MAGEA11: variants seen among roughly 807,000 people sequenced by gnomAD.
The protein encoded by MAGEA11 is MAGE family member A11.
In MAGEA11, 1 loss-of-function variant was observed where a neutral mutation model predicts 8.4. The ratio of observed to expected loss-of-function variants is 0.12; its 90% CI spans 0.04 to 0.57. The LOEUF is 0.57. Among genes scored for constraint, MAGEA11 ranks in the 20% least tolerant of loss-of-function variants. The pLI, the probability that MAGEA11 is intolerant of heterozygous loss-of-function variation, is 0.91. For synonymous variants in MAGEA11, 127 were observed against 119.3 expected (o/e 1.06, Z -0.42); for missense variants, 209 against 317.3 (o/e 0.66, Z 2.59).
chrX:149,715,833 G>C lies in MAGEA11; in HGVS notation c.347G>C (p.Arg116Thr). ...LTRVIMPLEQRSQHCKPEEGL... is the reference protein window; with the variant it reads ...LTRVIMPLEQTSQHCKPEEGL... ...AGAGTCATCATGCCTCTTGAGCAAA[G>C]AAGTCAGCACTGCAAGCCTGAGGAA... The change falls in exon 5 of 5, where the codon AGA becomes ACA. Residue 116 changes from arginine (R) to threonine (T), a missense_variant. Arg to Thr is a moderately conservative substitution (Grantham distance 71). This residue lies in a region of MAGEA11 where 131 missense variants were observed against 138.5 expected (regional missense o/e 0.95). Coordinates refer to ENST00000355220, the MANE Select transcript of MAGEA11 (RefSeq NM_005366.5). The C allele has an allele frequency of 8.3e-7, 1 of 1,210,554 alleles. No individual in the cohort carries two copies. The highest frequency in any genetic ancestry group is 1.1e-6 in the Non-Finnish European group (1 of 895,035).
intron 1 of MAGEA11, among the ~76,000 whole-genome samples, chrX:149,705,654 G>A (rs1164797495): frequency 8.9e-6 from 1 of 112,093 alleles, no homozygotes; most frequent in Non-Finnish European, 1.9e-5. Flanking sequence ...TAGGAGAGCA[G>A]GACCATGGCT....
rs1380207207 is a variant in MAGEA11, at chrX:149,699,717, T to C, written c.9+10733T>C. Among the ~76,000 whole-genome samples, 20 of 111,595 alleles carry C rather than the reference T, an allele frequency of 1.8e-4. No individual in the cohort carries two copies. The Admixed American group carries it at 1.9e-3, about 11-fold the overall frequency. On this transcript the variant is annotated intron_variant, in intron 1 of 3. Transcript: ENST00000333104. Reference sequence around the variant, plus strand: ...AGCCATTGTTCATCTTTTGGAGTAGTTTTTTTATTATTATTTTTGATGTAG... The same window carrying C: ...AGCCATTGTTCATCTTTTGGAGTAGCTTTTTTATTATTATTTTTGATGTAG...
intron 1 of MAGEA11, among the ~76,000 whole-genome samples, chrX:149,700,904 T>C (rs1165298559): frequency 3.8e-5 from 4 of 106,131 alleles, no homozygotes; most frequent in African/African-American, 1.0e-4. Flanking sequence ...CTCATCATTT[T>C]TTATGGCTGC....
intron 1 of MAGEA11, among the ~76,000 whole-genome samples, chrX:149,706,263 G>A (rs1557361460): frequency 8.9e-6 from 1 of 111,765 alleles, no homozygotes; most frequent in Non-Finnish European, 1.9e-5. Flanking sequence ...GGGACCTGGA[G>A]GAGTATACTA....
chrX:149,715,747 C>A lies in MAGEA11; in HGVS notation c.267-6C>A. 1 of 1,202,136 alleles carries A rather than the reference C, an allele frequency of 8.3e-7. No homozygotes were observed. The highest frequency in any genetic ancestry group is 1.1e-6 in the Non-Finnish European group (1 of 890,617). On this transcript the variant is annotated splice_polypyrimidine_tract_variant and splice_region_variant and intron_variant, in intron 4 of 4. Transcript: ENST00000355220. The stretch of plus-strand genomic sequence containing the variant: ...GAGTCTGTTCTCACGCTCCCTCTCT[C>A]CCCAGGCTGTGGGGCCCCATCACCC...
chrX:149,704,303 A>T (rs1309050685), intron 1 of MAGEA11, among the ~76,000 whole-genome samples: 2 of 112,091 alleles, frequency 1.8e-5, no homozygotes, highest in Admixed American at 9.4e-5. Flanking sequence ...CAGAACCGCG[A>T]CCCCTGCAAT....
At chrX:149,711,588 A>G (rs1439228184), upstream of MAGEA11, among the ~76,000 whole-genome samples, 1 of 111,727 alleles carries the variant, frequency 9.0e-6, no homozygotes, top group Non-Finnish European at 1.9e-5. Context: ...TCTCCCACCC[A>G]TCACTTCATG....
upstream of MAGEA11, among the ~76,000 whole-genome samples, chrX:149,708,640 G>A (rs191732717): frequency 9.0e-6 from 1 of 110,943 alleles, no homozygotes; most frequent in African/African-American, 3.3e-5. Flanking sequence ...GAGAGTAGGA[G>A]GTAGGGGTCT....
chrX:149,708,477 A>T (rs369746252), upstream of MAGEA11, among the ~76,000 whole-genome samples: 178 of 112,489 alleles, frequency 1.6e-3, no homozygotes, highest in African/African-American at 5.6e-3. Flanking sequence ...AAATTCTATG[A>T]AGAAAAAGAA....
At chrX:149,705,625 G>A (rs184283813) in intron 1 of MAGEA11, among the ~76,000 whole-genome samples, 1 of 112,455 alleles carries the variant, frequency 8.9e-6, no homozygotes, top group Non-Finnish European at 1.9e-5. Flanking sequence ...GTCATAGCTG[G>A]TGGAACAGAG....
chrX:149,710,459 G>C (rs926902509), upstream of MAGEA11, among the ~76,000 whole-genome samples: 1 of 110,824 alleles, frequency 9.0e-6, no homozygotes, highest in Non-Finnish European at 1.9e-5. Context: ...GTTTGGTTTT[G>C]TTTTTTTGAG....
At chrX:149,711,239 AGTTAG>A (rs1458315844), upstream of MAGEA11, among the ~76,000 whole-genome samples, 4 of 112,704 alleles carry the variant, frequency 3.5e-5, no homozygotes, top group African/African-American at 1.3e-4. Context: ...TGAAATAGGC[AGTTAG>A]GTTAAGTATG....
intron 1 of MAGEA11, among the ~76,000 whole-genome samples, chrX:149,712,740 G>A (rs1467044671): frequency 8.9e-6 from 1 of 112,072 alleles, no homozygotes; most frequent in Non-Finnish European, 1.9e-5. Context: ...CACCCCCCTC[G>A]GCTTCTGCCC....
Position 149,714,244 on chromosome X carries a change from A to G in MAGEA11, c.97-237A>G, listed in dbSNP as rs1425180083. The G allele has an allele frequency of 9.4e-6, 4 of 424,729 alleles. No individual in the cohort carries two copies. The Admixed American group carries it at 1.3e-4, about 14-fold the overall frequency. 35.0% of individuals were successfully genotyped at this position (424,729 alleles called of 1,213,427 possible). On this transcript the variant is annotated intron_variant, in intron 2 of 4. Coordinates refer to ENST00000355220, the MANE Select transcript of MAGEA11 (RefSeq NM_005366.5). Reference sequence around the variant, plus strand: ...GCAAGGTCACTTGTACCACAGGCAGAAAGTTGGGAAACCTTCAGGGAGATG... The same window carrying G: ...GCAAGGTCACTTGTACCACAGGCAGGAAGTTGGGAAACCTTCAGGGAGATG...
rs782802504 is a variant in MAGEA11 at position 149,715,841 on chromosome X, C to T, written c.355C>T (p.His119Tyr). Residue 119 changes from histidine to tyrosine, a missense_variant, in exon 5 of 5, where the codon CAC (histidine) becomes TAC (tyrosine). His to Tyr is a moderately conservative substitution (Grantham distance 83). Around this residue, in one of 2 missense-constraint regions of MAGEA11, gnomAD observed 131 missense variants for 138.5 expected, o/e 0.95. Transcript: ENST00000355220. Reference protein sequence around the residue: ...VIMPLEQRSQHCKPEEGLQAQ... With the variant: ...VIMPLEQRSQYCKPEEGLQAQ... Reference sequence around the variant, plus strand: ...CATGCCTCTTGAGCAAAGAAGTCAGCACTGCAAGCCTGAGGAAGGCCTTCA... The same window carrying T: ...CATGCCTCTTGAGCAAAGAAGTCAGTACTGCAAGCCTGAGGAAGGCCTTCA... The T allele has an allele frequency of 1.7e-6, 2 of 1,210,603 alleles. No homozygotes were observed. Among genetic ancestry groups the T allele is most frequent in the Admixed American group, 4.4e-5 (2 of 45,907 alleles).
chrX:149,703,928 A>G lies in MAGEA11; in HGVS notation c.10-10553A>G, dbSNP rs143507851. Among the ~76,000 whole-genome samples, 682 of 111,937 alleles carry G rather than the reference A, an allele frequency of 6.1e-3. 11 individuals are homozygous for G. Among genetic ancestry groups the G allele is most frequent in the African/African-American group, 0.021 (655 of 30,814 alleles). ...TTACTCCCATTTTACAGATGAAAAA[A>G]CTGAAGTACATAAAGGATACTTGAT... is the stretch of plus-strand genomic sequence containing the variant. On this transcript the variant is annotated intron_variant, in intron 1 of 3. Coordinates refer to the MAGEA11 transcript ENST00000333104.
upstream of MAGEA11, among the ~76,000 whole-genome samples, chrX:149,710,135 A>T (rs1557361793): frequency 1.8e-5 from 2 of 112,123 alleles, no homozygotes. Flanking sequence ...AAATCAAAAG[A>T]TTTGCAAAAC....
rs1308039393 is a variant in MAGEA11 at position 149,714,350 on chromosome X, T to C, written c.97-131T>C. 7.6e-5 allele frequency: 76 copies of C among 1,001,993 alleles called. No homozygotes were observed. In the African/African-American group the frequency reaches 1.3e-3, roughly 18 times the overall value. 82.6% of individuals were successfully genotyped at this position (1,001,993 alleles called of 1,213,427 possible). On this transcript the variant is annotated intron_variant, in intron 2 of 4. Transcript: ENST00000355220. ...GGACAGGCCCTGGCAGAAGTAAAGA[T>C]GAAAAACCCACAGGAGGACTTTGGA...
intron 1 of MAGEA11, among the ~76,000 whole-genome samples, chrX:149,697,809 T>A (rs1423828128): frequency 8.9e-6 from 1 of 111,824 alleles, no homozygotes; most frequent in Non-Finnish European, 1.9e-5. Flanking sequence ...CAAGCCTTGG[T>A]GGTTTCCAGG....
Sources: gnomAD v4.1 joint callset for allele counts (sites outside exome capture counted in the v4.1 genomes callset) on GRCh38, gnomAD v4.1.1 for gene constraint, gnomAD v4.1.1 regional missense constraint, MANE v1.5 for transcripts, NCBI Gene and HGNC (gene_info 2026-07-23, HGNC 2026-07-21) for gene names.